The following SEL1L2 variants were observed in gnomAD, a reference collection of about 807,000 sequenced individuals.
SEL1L2 encodes the protein protein sel-1 homolog 2.
In SEL1L2, 89 loss-of-function variants were observed where a neutral mutation model predicts 98.8. The ratio of observed to expected loss-of-function variants is 0.90; its 90% confidence interval spans 0.76 to 1.07. The LOEUF is 1.07. SEL1L2 is among the 50% of genes least tolerant of loss of function. The pLI, the probability that SEL1L2 is intolerant of heterozygous loss-of-function variation, is 0.00. For missense variants in SEL1L2, 788 were observed against 812.0 expected, an observed-to-expected ratio of 0.97 and a Z score of 0.36; for synonymous variants, 262 against 278.5, an observed-to-expected ratio of 0.94 and a Z score of 0.59.
At chr20:13,875,532 A>G (rs2046391109) in intron 12 of SEL1L2, among the ~76,000 whole-genome samples, 1 of 152,232 alleles carries the variant, frequency 6.6e-6, no homozygotes, top group South Asian at 2.1e-4. Context: ...TTCTGTCTCC[A>G]GATCCCTATT....
At position 13,877,533 on chromosome 20, in the gene SEL1L2, G is replaced by A; in HGVS notation, c.1013C>T (p.Ala338Val). 1 of 1,611,394 alleles carries A rather than the reference G, an allele frequency of 6.2e-7. No homozygotes were observed. Among genetic ancestry groups the A allele is most frequent in the Non-Finnish European group, 8.5e-7 (1 of 1,177,960 alleles). ...AAKAGSANAMAFIGKMYLEGN... is the reference protein window; with the variant it reads ...AAKAGSANAMVFIGKMYLEGN... ...TGAAGCATGTACCTTTCCTATAAAT[G>A]CCATGGCATTTGCACTCCCGGCCTT... Residue 338 changes from alanine (A) to valine (V), a missense_variant, in exon 11 of 20, where the codon GCA (alanine) becomes GTA (valine). Transcript: ENST00000284951.
In SEL1L2 at chr20:13,917,799, T is replaced by C. The variant is rs1278221430; in HGVS notation, c.386+1222A>G. 1.0e-3 allele frequency among the ~76,000 whole-genome samples: 129 copies of C among 124,752 alleles called. 1 individual carries two copies. The highest frequency in any genetic ancestry group is 3.4e-3 in the African/African-American group (119 of 34,508). The allele number at this position is 124,752 out of a possible 152,430, so 81.8% of individuals were successfully genotyped here. On this transcript the variant is annotated intron_variant, in intron 4 of 19. Coordinates refer to ENST00000284951, the MANE Select transcript of SEL1L2 (RefSeq NM_025229.2). ...ATTTCTTTCTTTCTTTTTTTTTTTT[T>C]TTTTTTTTTTTTTTTTGAGATGGAG...
At chr20:13,994,395 C>A (rs777789320), upstream of SEL1L2, among the ~76,000 whole-genome samples, 1 of 150,720 alleles carries the variant, frequency 6.6e-6, no homozygotes, top group Non-Finnish European at 1.5e-5. Context: ...ATATTCCATT[C>A]TTTACAATTC....
At chr20:13,882,810 G>GTA (rs1568889476) in intron 10 of SEL1L2, among the ~76,000 whole-genome samples, 6 of 116,214 alleles carry the variant, frequency 5.2e-5, no homozygotes, top group African/African-American at 1.9e-4. Flanking sequence ...AAGTCAATTT[G>GTA]TCTTTTTTTT....
chr20:13,884,521 A>G (rs1186200713), intron 10 of SEL1L2, among the ~76,000 whole-genome samples: 1 of 151,220 alleles, frequency 6.6e-6, no homozygotes, highest in Admixed American at 6.6e-5. Flanking sequence ...TTATTTTTTT[A>G]TTTTTAGAGG....
intron 10 of SEL1L2, among the ~76,000 whole-genome samples, chr20:13,880,846 A>G (rs2046665028): frequency 6.6e-6 from 1 of 150,998 alleles, no homozygotes; most frequent in Non-Finnish European, 1.5e-5. Flanking sequence ...CGCCCCAGGT[A>G]TTACACTAAG....
intron 1 of SEL1L2, among the ~76,000 whole-genome samples, chr20:13,965,956 C>CAAA (rs199731856): frequency 0.16 from 17,358 of 109,848 alleles, 1,336 homozygotes; most frequent in Admixed American, 0.23. Context: ...GATTCTGTCT[C>CAAA]AAAAAAAAAA....
chr20:13,874,998 T>G (rs2046369583), intron 12 of SEL1L2, among the ~76,000 whole-genome samples: 1 of 152,164 alleles, frequency 6.6e-6, no homozygotes, highest in South Asian at 2.1e-4. Context: ...TACTAAGTCT[T>G]ATCTGACAGA....
chr20:13,954,131 C>T (rs758942711), intron 2 of SEL1L2, among the ~76,000 whole-genome samples: 1 of 151,554 alleles, frequency 6.6e-6, no homozygotes, highest in Non-Finnish European at 1.5e-5. Context: ...GTTGTAGAGT[C>T]GTAAAGCCAG....
At chr20:13,936,178 G>C (rs960633010) in intron 2 of SEL1L2, among the ~76,000 whole-genome samples, 2 of 152,052 alleles carry the variant, frequency 1.3e-5, no homozygotes, top group African/African-American at 4.8e-5. Flanking sequence ...TTATGACAGC[G>C]AGAAAATTAT....
At chr20:13,905,528 A>ATGGTC (rs1252760659) in intron 5 of SEL1L2, among the ~76,000 whole-genome samples, 13 of 151,870 alleles carry the variant, frequency 8.6e-5, no homozygotes, top group African/African-American at 3.1e-4. Context: ...GTTAGCCAGA[A>ATGGTC]TGGTCTCGAT....
chr20:13,922,636 C>T (rs1347671681), intron 3 of SEL1L2, among the ~76,000 whole-genome samples: 3 of 152,018 alleles, frequency 2.0e-5, no homozygotes, highest in African/African-American at 4.8e-5. Flanking sequence ...CATTTTTATC[C>T]CTTTGTATCA....
intron 2 of SEL1L2, among the ~76,000 whole-genome samples, chr20:13,943,480 GTT>G (rs11475670): frequency 0.012 from 1,637 of 138,046 alleles, 27 homozygotes; most frequent in African/African-American, 0.034. Context: ...AGAGCTCTGG[GTT>G]TTTTTTTTTT....
intron 2 of SEL1L2, among the ~76,000 whole-genome samples, chr20:13,946,878 C>T (rs1427376093): frequency 3.9e-5 from 6 of 152,244 alleles, no homozygotes; most frequent in African/African-American, 1.4e-4. Flanking sequence ...TAGGGTGGTG[C>T]TGACATGCCA....
intron 5 of SEL1L2, among the ~76,000 whole-genome samples, chr20:13,907,359 G>A (rs886402033): frequency 6.6e-6 from 1 of 152,076 alleles, no homozygotes; most frequent in African/African-American, 2.4e-5. Context: ...GAGGCCAGGA[G>A]TTTGAGACCA....
chr20:13,876,071 A>C lies in SEL1L2; in HGVS notation c.1071T>G (p.Thr357=). 6.2e-7 allele frequency: 1 copy of C among 1,614,122 alleles called. No individual in the cohort carries two copies. The highest frequency in any genetic ancestry group is 8.5e-7 in the Non-Finnish European group (1 of 1,179,910). Residue 357 remains threonine, a synonymous_variant, in exon 12 of 20, where the codon ACT becomes ACG. Coordinates refer to ENST00000284951, the MANE Select transcript of SEL1L2 (RefSeq NM_025229.2). ...CTGCCATGGAAAAGTACTTGAAGGCAGTAGCGTTATTTTGCGGCACGGCAG... is the reference window on the plus strand; with the variant it reads ...CTGCCATGGAAAAGTACTTGAAGGCCGTAGCGTTATTTTGCGGCACGGCAG... ...GNAAVPQNNA[T]AFKYFSMAAS...
At chr20:13,889,935 G>C (rs2047133946) in intron 5 of SEL1L2, among the ~76,000 whole-genome samples, 1 of 152,202 alleles carries the variant, frequency 6.6e-6, no homozygotes, top group Admixed American at 6.5e-5. Context: ...CAAGATGATG[G>C]AATAGGAAGC....
chr20:13,927,028 A>G (rs921041424), intron 3 of SEL1L2, among the ~76,000 whole-genome samples: 1 of 152,234 alleles, frequency 6.6e-6, no homozygotes, highest in African/African-American at 2.4e-5. Context: ...TTTAATACAA[A>G]TAATTATTCT....
At chr20:13,897,852 C>T (rs1476715508) in intron 5 of SEL1L2, among the ~76,000 whole-genome samples, 1 of 151,138 alleles carries the variant, frequency 6.6e-6, no homozygotes, top group Non-Finnish European at 1.5e-5. Context: ...GCAACAAGAG[C>T]GAAAACTCCC....
Sources: allele counts gnomAD v4.1 joint callset (sites outside exome capture counted in the v4.1 genomes callset), GRCh38; gene constraint gnomAD v4.1.1; transcripts MANE v1.5; gene names NCBI Gene and HGNC (gene_info 2026-07-23, HGNC 2026-07-21).